DRC3: variants seen among roughly 807,000 people sequenced by gnomAD.
DRC3 encodes the protein leucine rich repeat containing 48.
Under a neutral mutation model 57.6 loss-of-function variants are expected in DRC3, and 45 were observed. That is an observed-to-expected ratio of 0.78 (90% confidence interval 0.62 to 1.00). The LOEUF (loss-of-function observed/expected upper bound fraction) is 1.00, where lower values mean the gene tolerates loss of function less well. Ranked by LOEUF, DRC3 falls within the 50% of genes least tolerant of loss-of-function variation. The pLI, the probability that DRC3 is intolerant of heterozygous loss-of-function variation, is 0.00. For missense variants in DRC3, 655 were observed against 675.2 expected (o/e 0.97, Z 0.33); for synonymous variants, 257 against 272.3 (o/e 0.94, Z 0.55).
intron 4 of DRC3, among the ~76,000 whole-genome samples, chr17:17,986,466 CTTTTTTTTTTT>C (rs35727404): frequency 6.0e-5 from 8 of 133,270 alleles, no homozygotes; most frequent in African/African-American, 8.4e-5. Flanking sequence ...CCCAAATCAC[CTTTTTTTTTTT>C]TTTTTTTTTG....
chr17:18,004,282 A>G, intron 9 of DRC3, 81 bp from the exon 10 acceptor site: 1 of 1,475,918 alleles, frequency 6.8e-7, no homozygotes, highest in East Asian at 2.5e-5. Context: ...CCAAATTCTT[A>G]CCCACAAAAC....
rs1248573418 is a variant in DRC3 at position 18,016,749 on chromosome 17, C to T, written c.*78C>T. ...GAGAAGGAAGTGCACACGCCTCACC[C>T]GCACCTCTAGAGAGTTGCTGGGCAT... On this transcript the variant is annotated 3_prime_UTR_variant, in exon 14 of 14. Transcript: ENST00000399187. 19 of 863,944 alleles carry T rather than the reference C, an allele frequency of 2.2e-5. No individual in the cohort carries two copies. Among genetic ancestry groups the T allele is most frequent in the Non-Finnish European group, 3.0e-5 (16 of 530,450 alleles). 53.5% of individuals were successfully genotyped at this position (863,944 alleles called of 1,614,324 possible).
At chr17:17,985,007 ACACCTGGGC>A (rs1483912397) in intron 4 of DRC3, among the ~76,000 whole-genome samples, 1 of 152,066 alleles carries the variant, frequency 6.6e-6, no homozygotes, top group African/African-American at 2.4e-5. Flanking sequence ...AGGTCCTCTC[ACACCTGGGC>A]CCAGGTCTCT....
At chr17:17,987,786 A>C in intron 4 of DRC3, 146 bp from the exon 5 acceptor site, 4 of 746,810 alleles carry the variant, frequency 5.4e-6, no homozygotes, top group Non-Finnish European at 8.4e-6. Context: ...TAAAAAAATC[A>C]CAAACTATTA....
At chr17:17,986,723 C>A (rs1213570870) in intron 4 of DRC3, among the ~76,000 whole-genome samples, 1 of 152,086 alleles carries the variant, frequency 6.6e-6, no homozygotes, top group Non-Finnish European at 1.5e-5. Context: ...CTCGGCCTCC[C>A]AGAGTGCTGG....
intron 1 of DRC3, 137 bp downstream of exon 1, chr17:17,973,111 C>T (rs2042205671): frequency 7.6e-6 from 1 of 131,830 alleles, no homozygotes; most frequent in South Asian, 3.4e-4. Context: ...TAGGTCCTCT[C>T]CCAGCCACTT....
At chr17:17,982,478 G>A (rs1411804146) in intron 3 of DRC3, among the ~76,000 whole-genome samples, 1 of 152,056 alleles carries the variant, frequency 6.6e-6, no homozygotes, top group African/African-American at 2.4e-5. Context: ...GCCTCCCAAA[G>A]TGCTGGGATT....
chr17:17,992,881 C>T lies in DRC3; in HGVS notation c.561C>T (p.Tyr187=). ...GTGCCTACCTTCCTGACCTCATGTA[C>T]CTGGACTACCGGCGCATTGATGACC... ...FICAYLPDLM[Y]LDYRRIDDHT... is the part of the protein sequence containing the mutation. Residue 187 remains tyrosine (Y), a synonymous_variant, in exon 6 of 14, where the codon TAC becomes TAT. Coordinates refer to ENST00000399187, the MANE Select transcript of DRC3 (RefSeq NM_031294.4). 4 of 1,613,980 alleles carry T rather than the reference C, an allele frequency of 2.5e-6. No homozygotes were observed. Among genetic ancestry groups the T allele is most frequent in the Non-Finnish European group, 3.4e-6 (4 of 1,179,862 alleles).
chr17:18,009,713 G>C (rs1206123150), intron 12 of DRC3, among the ~76,000 whole-genome samples: 1 of 152,190 alleles, frequency 6.6e-6, no homozygotes, highest in East Asian at 1.9e-4. Flanking sequence ...GGAGGGACTA[G>C]GGCTGTGGGT....
intron 3 of DRC3, 77 bp downstream of exon 3, chr17:17,977,835 G>A: frequency 6.9e-7 from 1 of 1,459,376 alleles, no homozygotes. Context: ...CAAGCCCCAG[G>A]ATTCCATGCA....
intron 8 of DRC3, among the ~76,000 whole-genome samples, 163 bp downstream of exon 8, chr17:17,995,274 G>T (rs1341809236): frequency 1.3e-5 from 2 of 152,252 alleles, no homozygotes; most frequent in Non-Finnish European, 2.9e-5. Flanking sequence ...TCAGAGTCCG[G>T]TCAGCTGAGC....
chr17:18,000,357 AGTGTGT>A (rs113487468), intron 9 of DRC3, among the ~76,000 whole-genome samples: 40 of 65,328 alleles, frequency 6.1e-4, no homozygotes, highest in South Asian at 1.5e-3. Context: ...CTTTCACGTG[AGTGTGT>A]GTGTGTGTGT....
Position 17,988,865 on chromosome 17 carries a change from T to C in DRC3, c.444+767T>C, listed in dbSNP as rs888603004. The stretch of plus-strand genomic sequence containing the variant: ...CAGCAGGACCAAATCCAGGAGGCAC[T>C]GTAGTCTCGGAAGTTTGCCCTGCAT... On this transcript the variant is annotated intron_variant, in intron 5 of 13. Transcript: ENST00000399187. 2.6e-5 allele frequency among the ~76,000 whole-genome samples: 4 copies of C among 152,258 alleles called. No homozygotes were observed. In the East Asian group the frequency reaches 5.8e-4, roughly 22 times the overall value.
chr17:18,011,021 G>A (rs1232374396), intron 12 of DRC3: 1 of 223,406 alleles, frequency 4.5e-6, no homozygotes, highest in Non-Finnish European at 9.1e-6. Flanking sequence ...GCAATGGCAT[G>A]ATCTTGGCTC....
At chr17:18,012,348 C>A (rs182735582) in intron 12 of DRC3, among the ~76,000 whole-genome samples, 1 of 152,196 alleles carries the variant, frequency 6.6e-6, no homozygotes, top group Admixed American at 6.6e-5. Context: ...TCACTCTATA[C>A]AAAAATCAAC....
chr17:17,980,131 G>A (rs764208712), intron 3 of DRC3, among the ~76,000 whole-genome samples: 1 of 152,242 alleles, frequency 6.6e-6, no homozygotes, highest in Non-Finnish European at 1.5e-5. Flanking sequence ...CCAGAACTTT[G>A]TGCAGGGAGG....
chr17:17,977,956 A>G (rs2042466208), intron 3 of DRC3, 198 bp downstream of exon 3: 9 of 515,148 alleles, frequency 1.7e-5, no homozygotes, highest in Admixed American at 3.7e-5. Context: ...CATCATTTGA[A>G]TATCCACGAC....
At chr17:18,001,625 C>CACCACATTT (rs1408478915) in intron 9 of DRC3, among the ~76,000 whole-genome samples, 5 of 152,102 alleles carry the variant, frequency 3.3e-5, no homozygotes, top group African/African-American at 1.2e-4. Context: ...GGTGCTTTTG[C>CACCACATTT]CATTCAGAAT....
rs1166191545 is a variant in DRC3 at position 18,016,674 on chromosome 17, G to C, written c.*3G>C. On this transcript the variant is annotated 3_prime_UTR_variant, in exon 14 of 14. Coordinates refer to ENST00000399187, the MANE Select transcript of DRC3 (RefSeq NM_031294.4). ...AATGTGGCGACATCCTAGACTAGAT[G>C]AATGTCAGCCACAGGAGCTTCTTCA... 1 of 1,594,626 alleles carries C rather than the reference G, an allele frequency of 6.3e-7. No homozygotes were observed. Among genetic ancestry groups the C allele is most frequent in the Non-Finnish European group, 8.6e-7 (1 of 1,162,822 alleles).
Sources: gnomAD v4.1 joint callset for allele counts (sites outside exome capture counted in the v4.1 genomes callset) on GRCh38, gnomAD v4.1.1 for gene constraint, MANE v1.5 for transcripts, NCBI Gene and HGNC (gene_info 2026-07-23, HGNC 2026-07-21) for gene names.